The following CDC14A variants were observed in gnomAD, a reference collection of about 807,000 sequenced individuals.
CDC14A encodes the protein dual specificity protein phosphatase CDC14A.
A neutral mutation model predicts 74.4 loss-of-function variants in CDC14A; 53 were observed. The ratio of observed to expected loss-of-function variants is 0.71; its 90% CI spans 0.57 to 0.89. The LOEUF is 0.89. Among genes scored for constraint, CDC14A ranks in the 40% least tolerant of loss-of-function variants. The pLI is 0.00. For synonymous variants in CDC14A, 247 were observed against 258.4 expected (o/e 0.96, Z 0.43); for missense variants, 646 against 713.7 (o/e 0.91, Z 1.08).
chr1:100,384,515 T>C (rs1002619713), intron 3 of CDC14A, among the ~76,000 whole-genome samples: 3 of 152,232 alleles, frequency 2.0e-5, no homozygotes, highest in Admixed American at 2.0e-4. Flanking sequence ...GCATTAAATA[T>C]TCATTAGCCT....
Position 100,353,785 on chromosome 1 carries a change from A to G in CDC14A, c.73A>G (p.Arg25Gly). Residue 25 changes from arginine (R) to glycine (G), a missense_variant, in exon 2 of 16, where the codon AGG becomes GGG. By Grantham distance (125) the Arg-to-Gly change is moderately radical (BLOSUM62 -2). Coordinates refer to ENST00000336454, the MANE Select transcript of CDC14A (RefSeq NM_003672.4). ...AGATCGGTTATATTTTGCTACTTTAAGGAATAGACCAAAAAGCACAGTAAA... is the reference window on the plus strand; with the variant it reads ...AGATCGGTTATATTTTGCTACTTTAGGGAATAGACCAAAAAGCACAGTAAA... The part of the protein sequence containing the change: ...MKDRLYFATL[R>G]NRPKSTVNTH... The G allele has an allele frequency of 6.2e-7, 1 of 1,603,314 alleles. No individual in the cohort carries two copies. The highest frequency in any genetic ancestry group is 8.5e-7 in the Non-Finnish European group (1 of 1,171,586).
At chr1:100,346,477 AAAC>A (rs2100856765) in intron 1 of CDC14A, among the ~76,000 whole-genome samples, 1 of 152,194 alleles carries the variant, frequency 6.6e-6, no homozygotes, top group East Asian at 1.9e-4. Flanking sequence ...ACAAAAAATT[AAAC>A]AATTAGCCAA....
upstream of CDC14A, among the ~76,000 whole-genome samples, chr1:100,352,068 T>TGA (rs1302634177): frequency 4.8e-5 from 7 of 146,758 alleles, no homozygotes; most frequent in East Asian, 6.1e-4. Context: ...AGAAAGAGAA[T>TGA]GAGAGAGAGA....
intron 2 of CDC14A, among the ~76,000 whole-genome samples, chr1:100,354,778 A>G (rs967670197): frequency 6.6e-6 from 1 of 152,248 alleles, no homozygotes; most frequent in Admixed American, 6.5e-5. Context: ...ATAAATGAAC[A>G]TAGTTAAATT....
intron 8 of CDC14A, among the ~76,000 whole-genome samples, chr1:100,459,764 C>G (rs1667137356): frequency 6.6e-6 from 1 of 152,132 alleles, no homozygotes; most frequent in Non-Finnish European, 1.5e-5. Flanking sequence ...TCTGGGTCGG[C>G]ACATTATACA....
intron 4 of CDC14A, chr1:100,393,612 G>T: frequency 1.5e-6 from 1 of 671,142 alleles, no homozygotes; most frequent in Non-Finnish European, 2.8e-6. Flanking sequence ...CAGCACTGCA[G>T]CTGCTTCCTG....
chr1:100,426,904 C>T (rs1457764261), intron 5 of CDC14A, among the ~76,000 whole-genome samples: 1 of 152,152 alleles, frequency 6.6e-6, no homozygotes, highest in Non-Finnish European at 1.5e-5. Flanking sequence ...GAAAATACCA[C>T]AAAGTAGTAC....
At chr1:100,415,578 A>G (rs550108526) in intron 4 of CDC14A, among the ~76,000 whole-genome samples, 14 of 152,314 alleles carry the variant, frequency 9.2e-5, no homozygotes, top group Admixed American at 4.6e-4. Flanking sequence ...GTGATTTATA[A>G]TGGACTCAAA....
intron 8 of CDC14A, among the ~76,000 whole-genome samples, chr1:100,460,549 C>T (rs1166743987): frequency 1.3e-5 from 2 of 152,194 alleles, no homozygotes; most frequent in East Asian, 3.9e-4. Flanking sequence ...CCCCATTCCT[C>T]ACATGATAGA....
At chr1:100,482,063 C>G (rs1240743558) in intron 10 of CDC14A, among the ~76,000 whole-genome samples, 1 of 152,188 alleles carries the variant, frequency 6.6e-6, no homozygotes, top group Non-Finnish European at 1.5e-5. Context: ...TATTCAGGTT[C>G]AAATCAAGCC....
chr1:100,494,729 G>A, intron 11 of CDC14A, 89 bp from the exon 12 acceptor site: 1 of 652,986 alleles, frequency 1.5e-6, no homozygotes, highest in Non-Finnish European at 2.8e-6. Context: ...AAGATAATCT[G>A]TATAAAATGT....
chr1:100,411,172 G>A (rs1358669312), intron 4 of CDC14A, among the ~76,000 whole-genome samples: 2 of 152,156 alleles, frequency 1.3e-5, no homozygotes, highest in African/African-American at 2.4e-5. Flanking sequence ...ACAGGCCCAA[G>A]AGCCTCCTAT....
Position 100,462,693 on chromosome 1 carries a change from A to G in CDC14A, c.650A>G (p.Lys217Arg), listed in dbSNP as rs768355184. Reference protein sequence around the residue: ...HAPEAYFPYFKKHNVTAVVRL... With the variant: ...HAPEAYFPYFRKHNVTAVVRL... ...CCTGAAGCCTACTTTCCTTATTTCA[A>G]AAAGCATAATGTGACTGCAGTTGTG... Residue 217 changes from lysine (K) to arginine (R), a missense_variant, in exon 9 of 16, where the codon AAA (lysine) becomes AGA (arginine). Coordinates refer to ENST00000336454, the MANE Select transcript of CDC14A (RefSeq NM_003672.4). 1.2e-6 allele frequency: 2 copies of G among 1,614,138 alleles called. No homozygotes were observed. Among genetic ancestry groups the G allele is most frequent in the Non-Finnish European group, 1.7e-6 (2 of 1,180,008 alleles).
intron 11 of CDC14A, among the ~76,000 whole-genome samples, chr1:100,493,827 T>A (rs1647367617): frequency 6.6e-6 from 1 of 152,172 alleles, no homozygotes; most frequent in South Asian, 2.1e-4. Flanking sequence ...GAACCCAACA[T>A]AGGTGGCCGG....
intron 2 of CDC14A, among the ~76,000 whole-genome samples, chr1:100,357,878 G>A (rs1036485238): frequency 2.5e-4 from 38 of 152,118 alleles, no homozygotes; most frequent in African/African-American, 7.7e-4. Flanking sequence ...TGTGTTTTGC[G>A]CAGATGTTTC....
At chr1:100,400,902 A>G (rs1219471274) in intron 4 of CDC14A, among the ~76,000 whole-genome samples, 5 of 152,272 alleles carry the variant, frequency 3.3e-5, no homozygotes, top group African/African-American at 1.2e-4. Flanking sequence ...CATCCTGATA[A>G]TAAACTTCCT....
intron 2 of CDC14A, among the ~76,000 whole-genome samples, chr1:100,368,671 A>G (rs10875288): frequency 0.22 from 33,117 of 152,186 alleles, 4,634 homozygotes; most frequent in Non-Finnish European, 0.31. Context: ...GGTTTGGGGT[A>G]TAAATGATCC....
At chr1:100,494,541 C>T (rs1206012891) in intron 11 of CDC14A, among the ~76,000 whole-genome samples, 2 of 152,136 alleles carry the variant, frequency 1.3e-5, no homozygotes, top group African/African-American at 4.8e-5. Flanking sequence ...AGGAGAGTCT[C>T]CTCTGTTGCT....
At position 100,424,404 on chromosome 1, in the gene CDC14A, T is replaced by C. The variant is rs149706369; in HGVS notation, c.389+103T>C. ...AATTGTCTTAAGATAATAACCATTA[T>C]GTTATATGGAATGAAATGAGATGGT... On this transcript the variant is annotated intron_variant, in intron 5 of 15. Coordinates refer to ENST00000336454, the MANE Select transcript of CDC14A (RefSeq NM_003672.4). The C allele has an allele frequency of 4.3e-5, 34 of 789,526 alleles. No individual in the cohort carries two copies. The African/African-American group carries it at 4.7e-4, about 11-fold the overall frequency. 48.9% of individuals were successfully genotyped at this position (789,526 alleles called of 1,614,324 possible). A position where few individuals can be genotyped will look rare whatever the true frequency, so the allele number is the denominator to read the frequency against.
Sources: allele counts gnomAD v4.1 joint callset (sites outside exome capture counted in the v4.1 genomes callset), GRCh38; gene constraint gnomAD v4.1.1; transcripts MANE v1.5; gene names NCBI Gene and HGNC (gene_info 2026-07-23, HGNC 2026-07-21).